The following LARS2 variants were observed in gnomAD, a reference collection of about 807,000 sequenced individuals.
LARS2 encodes leucyl-tRNA synthetase 2, mitochondrial, also known as leucine--tRNA ligase, mitochondrial.
A neutral mutation model predicts 116.6 loss-of-function variants in LARS2; 81 were observed. That is an observed-to-expected ratio of 0.69 (90% CI 0.58 to 0.84). LARS2 has a LOEUF of 0.84. Among genes scored for constraint, LARS2 ranks in the 40% least tolerant of loss-of-function variants. The pLI, the probability that LARS2 is intolerant of heterozygous loss-of-function variation, is 0.00. For synonymous variants in LARS2, 396 were observed against 407.2 expected (o/e 0.97, Z 0.33); for missense variants, 968 against 1,114.5 (o/e 0.87, Z 1.87).
chr3:45,433,841 G>A (rs4683113), intron 6 of LARS2, among the ~76,000 whole-genome samples: 70,295 of 151,770 alleles, frequency 0.46, 19,201 homozygotes, highest in East Asian at 0.7. Flanking sequence ...TTTCCCCTTC[G>A]TTTCTGAAGG....
At chr3:45,535,066 A>G (rs1486318971) in intron 20 of LARS2, among the ~76,000 whole-genome samples, 2 of 152,160 alleles carry the variant, frequency 1.3e-5, no homozygotes, top group African/African-American at 4.8e-5. Context: ...AGAGCAGAAA[A>G]TCATCTAACA....
chr3:45,500,687 T>A, intron 15 of LARS2, 108 bp downstream of exon 15: 1 of 790,130 alleles, frequency 1.3e-6, no homozygotes. Context: ...GAATACTAGT[T>A]TTCTAGTATG....
chr3:45,547,174 G>T (rs1447891821), intron 21 of LARS2, among the ~76,000 whole-genome samples, 177 bp from the exon 22 acceptor site: 1 of 152,196 alleles, frequency 6.6e-6, no homozygotes, highest in African/African-American at 2.4e-5. Context: ...ATCCTATTCA[G>T]CTGGTTGCAT....
chr3:45,502,946 A>G (rs972428087), intron 15 of LARS2, among the ~76,000 whole-genome samples: 104 of 152,060 alleles, frequency 6.8e-4, no homozygotes, highest in African/African-American at 2.4e-3. Flanking sequence ...TAATGTCATT[A>G]TGGGTCTGTT....
intron 12 of LARS2, 91 bp from the exon 13 acceptor site, chr3:45,491,426 C>G (rs1181773421): frequency 7.1e-7 from 1 of 1,403,894 alleles, no homozygotes; most frequent in African/African-American, 1.4e-5. Context: ...TTGGGAGAGC[C>G]ACACATAAAC....
intron 7 of LARS2, 111 bp from the exon 8 acceptor site, chr3:45,458,632 A>G: frequency 9.8e-7 from 1 of 1,023,338 alleles, no homozygotes; most frequent in Non-Finnish European, 1.5e-6. Context: ...GGTTGCAGTG[A>G]GTCGAGATCA....
At chr3:45,540,702 C>T (rs890230010) in intron 20 of LARS2, among the ~76,000 whole-genome samples, 5 of 152,166 alleles carry the variant, frequency 3.3e-5, no homozygotes, top group African/African-American at 1.2e-4. Flanking sequence ...TTGGGGGCAT[C>T]TCTTATACTC....
At chr3:45,540,749 TA>T (rs1700780574) in intron 20 of LARS2, among the ~76,000 whole-genome samples, 3 of 51,692 alleles carry the variant, frequency 5.8e-5, no homozygotes, top group Non-Finnish European at 1.2e-4. Flanking sequence ...TCTATCTGTC[TA>T]TCTATCTATC....
chr3:45,516,788 C>T (rs1700374573), intron 17 of LARS2, among the ~76,000 whole-genome samples: 2 of 152,192 alleles, frequency 1.3e-5, no homozygotes, highest in Non-Finnish European at 2.9e-5. Flanking sequence ...CTGTTGTTAC[C>T]TATGGCCTCT....
chr3:45,541,835 C>G lies in LARS2; in HGVS notation c.2411C>G (p.Ala804Gly). 6.2e-7 allele frequency: 1 copy of G among 1,614,114 alleles called. No homozygotes were observed. Among genetic ancestry groups the G allele is most frequent in the Non-Finnish European group, 8.5e-7 (1 of 1,179,992 alleles). Residue 804 changes from alanine (A) to glycine (G), a missense_variant, in exon 21 of 22, where the codon GCG becomes GGG. Ala to Gly is a moderately conservative substitution (Grantham distance 60). Transcript: ENST00000645846. ...HVTSEIWAGLALVPRKLCAHY... is the reference protein window; with the variant it reads ...HVTSEIWAGLGLVPRKLCAHY... The stretch of plus-strand genomic sequence containing the variant: ...CTGTGCCTCGGCATTGCAGGCCTGG[C>G]GCTGGTGCCGAGGAAGCTCTGTGCC...
rs372847924 is a variant in LARS2, at chr3:45,410,061, C to T, written c.364-7421C>T. ...TATTGCCTTTATTTAAAAATATGGA[C>T]GGCACCTAACAGAATGTTAATAGGC... On this transcript the variant is annotated intron_variant, in intron 4 of 21. Transcript: ENST00000645846. Among the ~76,000 whole-genome samples the T allele has an allele frequency of 5.9e-5, 9 of 152,138 alleles. No individual in the cohort carries two copies. The East Asian group carries it at 1.5e-3, about 26-fold the overall frequency.
rs1700128522 is a variant in LARS2, at chr3:45,501,890, CGTT to C, written c.1760+1314_1760+1316del. Among the ~76,000 whole-genome samples, 5 of 149,790 alleles carry C rather than the reference CGTT, an allele frequency of 3.3e-5. No individual in the cohort carries two copies. In the South Asian group the frequency reaches 1.0e-3, roughly 31 times the overall value. On this transcript the variant is annotated intron_variant, in intron 15 of 21. Transcript: ENST00000645846. ...AAACCAGTGGGTATATAATGGGTCACGTTGTGAGTTAAATTTGAATTTCAAGAC... is the reference window on the plus strand; with the variant it reads ...AAACCAGTGGGTATATAATGGGTCACGTGAGTTAAATTTGAATTTCAAGAC...
chr3:45,458,528 T>G (rs1699252935), intron 7 of LARS2, among the ~76,000 whole-genome samples: 1 of 152,018 alleles, frequency 6.6e-6, no homozygotes, highest in Non-Finnish European at 1.5e-5. Context: ...CCATCTCAAC[T>G]AAAAATACAA....
chr3:45,476,250 G>A (rs1699606763), intron 9 of LARS2, among the ~76,000 whole-genome samples: 1 of 152,162 alleles, frequency 6.6e-6, no homozygotes, highest in Non-Finnish European at 1.5e-5. Flanking sequence ...CATGCCTGGT[G>A]TGGGGCAAGT....
chr3:45,436,740 G>A (rs1406874553), intron 6 of LARS2, among the ~76,000 whole-genome samples: 4 of 149,406 alleles, frequency 2.7e-5, no homozygotes, highest in Non-Finnish European at 5.9e-5. Context: ...CTTGCAGTGA[G>A]CCGAGATTGC....
chr3:45,462,870 C>CT (rs1249992568), intron 8 of LARS2, among the ~76,000 whole-genome samples: 1 of 152,180 alleles, frequency 6.6e-6, no homozygotes, highest in Non-Finnish European at 1.5e-5. Context: ...GATAAAGATG[C>CT]TTTATTCAGG....
chr3:45,547,320 C>T, intron 21 of LARS2, 31 bp from the exon 22 acceptor site: 1 of 1,577,748 alleles, frequency 6.3e-7, no homozygotes, highest in Non-Finnish European at 8.6e-7. Context: ...GGATGTTCCT[C>T]ATTGTTTATC....
chr3:45,501,946 T>C (rs1257076466), intron 15 of LARS2, among the ~76,000 whole-genome samples: 2 of 152,072 alleles, frequency 1.3e-5, no homozygotes, highest in Non-Finnish European at 2.9e-5. Flanking sequence ...TTTTTAATTT[T>C]TAATTTTTGC....
chr3:45,400,451 A>G, intron 4 of LARS2, 78 bp downstream of exon 4: 7 of 1,418,422 alleles, frequency 4.9e-6, no homozygotes. Context: ...GTTCAAGACA[A>G]ATGAAGAAAA....
Sources: allele counts gnomAD v4.1 joint callset (sites outside exome capture counted in the v4.1 genomes callset), GRCh38; gene constraint gnomAD v4.1.1; transcripts MANE v1.5; gene names NCBI Gene and HGNC (gene_info 2026-07-23, HGNC 2026-07-21).